The following ZNF385D variants were observed in gnomAD, a reference collection of about 807,000 sequenced individuals.
ZNF385D encodes the protein zinc finger protein 385D.
In ZNF385D, 15 loss-of-function variants were observed where a neutral mutation model predicts 35.8. The observed-to-expected ratio is 0.42, with a 90% CI of 0.28 to 0.64. The LOEUF is 0.64. ZNF385D is among the 30% of genes least tolerant of loss of function. The probability of loss-of-function intolerance (pLI) is 0.23; values close to 1 mark genes in which losing one functional copy is unlikely to be tolerated. For missense variants in ZNF385D, 474 were observed against 494.6 expected, an observed-to-expected ratio of 0.96 and a Z score of 0.39; for synonymous variants, 212 against 186.8, an observed-to-expected ratio of 1.13 and a Z score of -1.10.
chr3:22,063,025 G>A lies in ZNF385D; in HGVS notation c.325+105792C>T, dbSNP rs140810218. On this transcript the variant is annotated intron_variant, in intron 3 of 5. Transcript: ENST00000494108. ...GCCTCATGACTCACAGAAATTACAC[G>A]GGATAATTTTTTTTTATTTAATCCA... 6.1e-3 allele frequency among the ~76,000 whole-genome samples: 933 copies of A among 152,080 alleles called. 4 individuals are homozygous for A. The highest frequency in any genetic ancestry group is 0.012 in the South Asian group (59 of 4,824).
At chr3:22,172,163 G>C (rs191832989) in intron 2 of ZNF385D, among the ~76,000 whole-genome samples, 1 of 152,132 alleles carries the variant, frequency 6.6e-6, no homozygotes, top group African/African-American at 2.4e-5. Context: ...GAACCATTAA[G>C]ACACTGGAAA....
intron 3 of ZNF385D, among the ~76,000 whole-genome samples, chr3:21,839,769 G>C (rs1450774562): frequency 1.3e-5 from 2 of 152,096 alleles, no homozygotes; most frequent in African/African-American, 4.8e-5. Flanking sequence ...TCCCTGGAGA[G>C]TCACATACCA....
chr3:22,083,888 C>A (rs527861555), intron 3 of ZNF385D, among the ~76,000 whole-genome samples: 43 of 152,320 alleles, frequency 2.8e-4, no homozygotes, highest in African/African-American at 1.0e-3. Context: ...GATCTCTCAG[C>A]AGAAACTCTA....
At chr3:22,371,024 G>A (rs1347506492) in intron 2 of ZNF385D, among the ~76,000 whole-genome samples, 1 of 152,164 alleles carries the variant, frequency 6.6e-6, no homozygotes, top group East Asian at 1.9e-4. Context: ...TCCATGAAGA[G>A]AGTGCTCAAG....
At chr3:22,120,698 A>G (rs1219404304) in intron 3 of ZNF385D, among the ~76,000 whole-genome samples, 2 of 152,172 alleles carry the variant, frequency 1.3e-5, no homozygotes, top group African/African-American at 2.4e-5. Context: ...TAATAATACA[A>G]TCTAGCTTAT....
chr3:22,135,775 A>C (rs1432933223), intron 3 of ZNF385D, among the ~76,000 whole-genome samples: 1 of 152,236 alleles, frequency 6.6e-6, no homozygotes, highest in Non-Finnish European at 1.5e-5. Context: ...TTGGTAAAAA[A>C]GTATAGACAC....
At chr3:22,272,143 G>C (rs1701209847) in intron 2 of ZNF385D, among the ~76,000 whole-genome samples, 1 of 152,036 alleles carries the variant, frequency 6.6e-6, no homozygotes, top group African/African-American at 2.4e-5. Flanking sequence ...CGACACTCAA[G>C]ATAATTTCCC....
At chr3:21,665,160 C>T (rs190329348) in intron 1 of ZNF385D, 132 bp from the exon 2 acceptor site, 564 of 1,191,950 alleles carry the variant, frequency 4.7e-4, no homozygotes, top group East Asian at 1.9e-3. Context: ...CTATTGACCT[C>T]AACTGGGAAC....
At chr3:22,330,331 T>C (rs1445659640) in intron 2 of ZNF385D, among the ~76,000 whole-genome samples, 1 of 152,222 alleles carries the variant, frequency 6.6e-6, no homozygotes, top group Non-Finnish European at 1.5e-5. Flanking sequence ...ATTCATGTAC[T>C]AACTGCTGAG....
At chr3:21,536,536 G>A (rs189828381) in intron 3 of ZNF385D, among the ~76,000 whole-genome samples, 1 of 152,086 alleles carries the variant, frequency 6.6e-6, no homozygotes, top group East Asian at 1.9e-4. Context: ...TATATAACTG[G>A]CAAGCATCAT....
At chr3:22,148,330 C>T (rs1704995148) in intron 3 of ZNF385D, among the ~76,000 whole-genome samples, 1 of 152,200 alleles carries the variant, frequency 6.6e-6, no homozygotes, top group African/African-American at 2.4e-5. Context: ...TATTTCTTCT[C>T]TGTCATACCA....
intron 3 of ZNF385D, among the ~76,000 whole-genome samples, chr3:22,132,461 A>C (rs1007264744): frequency 8.5e-5 from 13 of 152,210 alleles, no homozygotes; most frequent in Non-Finnish European, 5.9e-5. Flanking sequence ...ACAAATGATA[A>C]AATACACAAT....
At chr3:21,744,092 T>A (rs1014189716) in intron 1 of ZNF385D, among the ~76,000 whole-genome samples, 1 of 152,136 alleles carries the variant, frequency 6.6e-6, no homozygotes, top group Non-Finnish European at 1.5e-5. Context: ...AGTATTGACA[T>A]AGAGTCTACA....
intron 3 of ZNF385D, among the ~76,000 whole-genome samples, chr3:21,838,571 C>T (rs1423301877): frequency 6.6e-6 from 1 of 152,052 alleles, no homozygotes; most frequent in Non-Finnish European, 1.5e-5. Flanking sequence ...ACAATAGCGG[C>T]TTTGAGTGTC....
At chr3:21,936,351 T>C (rs921985451) in intron 3 of ZNF385D, among the ~76,000 whole-genome samples, 2 of 152,012 alleles carry the variant, frequency 1.3e-5, no homozygotes, top group African/African-American at 4.8e-5. Context: ...ATTCTCAAGA[T>C]TTTTAAAGTA....
rs561002305 is a variant in ZNF385D at position 21,734,513 on chromosome 3, G to A, written c.22+16382C>T. 9.2e-5 allele frequency among the ~76,000 whole-genome samples: 14 copies of A among 151,804 alleles called. 1 individual carries two copies. In the South Asian group the frequency reaches 1.5e-3, roughly 16 times the overall value. On this transcript the variant is annotated intron_variant, in intron 1 of 7. Transcript: ENST00000281523. The stretch of plus-strand genomic sequence containing the variant: ...AGACTAACAGTGAATAAAAATGAGC[G>A]TTTACATTTTTGGAAATACAGTGGG...
At chr3:22,118,763 C>G (rs770099785) in intron 3 of ZNF385D, among the ~76,000 whole-genome samples, 49 of 152,112 alleles carry the variant, frequency 3.2e-4, no homozygotes, top group Non-Finnish European at 6.9e-4. Context: ...AGTCATAGTT[C>G]TGGGTTTAGA....
At chr3:22,326,897 G>A (rs9845701) in intron 2 of ZNF385D, among the ~76,000 whole-genome samples, 1 of 152,018 alleles carries the variant, frequency 6.6e-6, no homozygotes, top group Non-Finnish European at 1.5e-5. Context: ...AGGAAAGCAA[G>A]TTGATAAAAG....
chr3:21,607,888 T>C (rs566755897), intron 2 of ZNF385D, among the ~76,000 whole-genome samples: 1 of 152,170 alleles, frequency 6.6e-6, no homozygotes, highest in South Asian at 2.1e-4. Flanking sequence ...TAATTATCTT[T>C]CCTACTTTTG....
Sources: allele counts gnomAD v4.1 joint callset (sites outside exome capture counted in the v4.1 genomes callset), GRCh38; gene constraint gnomAD v4.1.1; transcripts MANE v1.5; gene names NCBI Gene and HGNC (gene_info 2026-07-23, HGNC 2026-07-21).